The following CNTNAP2 variants were observed in gnomAD, a reference collection of about 807,000 sequenced individuals.
CNTNAP2 encodes the protein contactin-associated protein-like 2.
A neutral mutation model predicts 155.2 loss-of-function variants in CNTNAP2; 98 were observed. That is an observed-to-expected ratio of 0.63 (90% CI 0.54 to 0.75). The LOEUF is 0.75. Ranked by LOEUF, CNTNAP2 falls within the 30% of genes least tolerant of loss-of-function variation. The pLI, the probability that CNTNAP2 is intolerant of heterozygous loss-of-function variation, is 0.00. For missense variants in CNTNAP2, 1,727 were observed against 1,688.1 expected, an observed-to-expected ratio of 1.02 and a Z score of -0.40; for synonymous variants, 651 against 631.2, an observed-to-expected ratio of 1.03 and a Z score of -0.47.
At chr7:147,442,079 C>T (rs1359354222) in intron 10 of CNTNAP2, among the ~76,000 whole-genome samples, 2 of 152,108 alleles carry the variant, frequency 1.3e-5, no homozygotes, top group East Asian at 3.9e-4. Context: ...AGGACTGTGT[C>T]CTTCACTTCA....
At chr7:147,677,218 T>C (rs1322783092) in intron 13 of CNTNAP2, among the ~76,000 whole-genome samples, 1 of 151,922 alleles carries the variant, frequency 6.6e-6, no homozygotes, top group Non-Finnish European at 1.5e-5. Context: ...TATGAGGTCA[T>C]GTCACATTGT....
Position 147,017,815 on chromosome 7 carries a change from T to G in CNTNAP2, c.403-26092T>G, listed in dbSNP as rs535247581. Reference sequence around the variant, plus strand: ...AACTAGCAGAATACTACAGCTGGTTTAAAAAATAAAAGATATGAGAGAATA... The same window carrying G: ...AACTAGCAGAATACTACAGCTGGTTGAAAAAATAAAAGATATGAGAGAATA... On this transcript the variant is annotated intron_variant, in intron 3 of 23. Coordinates refer to ENST00000361727, the MANE Select transcript of CNTNAP2 (RefSeq NM_014141.6). Among the ~76,000 whole-genome samples the G allele has an allele frequency of 3.9e-5, 6 of 152,122 alleles. No homozygotes were observed. The South Asian group carries it at 1.2e-3, about 32-fold the overall frequency.
intron 1 of CNTNAP2, among the ~76,000 whole-genome samples, chr7:146,397,753 T>TCC (rs764025369): frequency 3.3e-5 from 5 of 152,080 alleles, no homozygotes; most frequent in African/African-American, 4.8e-5. Flanking sequence ...GTAGGAATAA[T>TCC]CCATTGTTAT....
chr7:146,998,639 G>A (rs563788935), intron 3 of CNTNAP2, among the ~76,000 whole-genome samples: 24 of 151,840 alleles, frequency 1.6e-4, no homozygotes, highest in African/African-American at 4.6e-4. Context: ...TGATGAAGTC[G>A]CTTACTCTTA....
chr7:146,973,896 C>T lies in CNTNAP2; in HGVS notation c.403-70011C>T, dbSNP rs527709737. On this transcript the variant is annotated intron_variant, in intron 3 of 23. Transcript: ENST00000361727. ...CTTCCCTTTGCCACAATGATGACTTCATGAATATGAATTGAGCTCAGGCCC... is the reference window on the plus strand; with the variant it reads ...CTTCCCTTTGCCACAATGATGACTTTATGAATATGAATTGAGCTCAGGCCC... 5.9e-5 allele frequency among the ~76,000 whole-genome samples: 9 copies of T among 152,286 alleles called. No homozygotes were observed. The South Asian group carries it at 1.9e-3, about 32-fold the overall frequency.
At chr7:146,235,979 T>TGTGC (rs1050059152) in intron 1 of CNTNAP2, among the ~76,000 whole-genome samples, 11 of 139,088 alleles carry the variant, frequency 7.9e-5, no homozygotes, top group South Asian at 2.2e-4. Context: ...TGTGTGTGTG[T>TGTGC]GCGCGCGTAT....
intron 8 of CNTNAP2, among the ~76,000 whole-genome samples, chr7:147,193,243 G>A (rs951895939): frequency 2.6e-5 from 4 of 152,146 alleles, no homozygotes; most frequent in Non-Finnish European, 5.9e-5. Flanking sequence ...TAAATAAATG[G>A]AAGTTTAGTG....
intron 1 of CNTNAP2, among the ~76,000 whole-genome samples, chr7:146,541,120 G>A (rs1024999666): frequency 6.6e-6 from 1 of 151,920 alleles, no homozygotes; most frequent in African/African-American, 2.4e-5. Flanking sequence ...GCCTCCACCT[G>A]CTTTTCTTCT....
At chr7:148,147,290 AC>A (rs1039232847) in intron 16 of CNTNAP2, among the ~76,000 whole-genome samples, 200 bp from the exon 17 acceptor site, 3 of 151,802 alleles carry the variant, frequency 2.0e-5, no homozygotes, top group East Asian at 3.9e-4. Flanking sequence ...TGACACATAG[AC>A]CCCCCAAAAC....
intron 1 of CNTNAP2, among the ~76,000 whole-genome samples, chr7:146,400,134 C>G (rs1189006406): frequency 6.6e-6 from 1 of 152,072 alleles, no homozygotes; most frequent in Non-Finnish European, 1.5e-5. Context: ...TGCCTCCTAC[C>G]ATAGCGAACC....
chr7:147,656,905 T>C (rs80212982), intron 13 of CNTNAP2, among the ~76,000 whole-genome samples: 18,272 of 152,182 alleles, frequency 0.12, 1,408 homozygotes, highest in Middle Eastern at 0.24. Context: ...AGTCACCCAA[T>C]GGAGGATGTA....
intron 14 of CNTNAP2, among the ~76,000 whole-genome samples, chr7:147,971,784 G>T (rs55856011): frequency 0.12 from 17,596 of 152,196 alleles, 1,344 homozygotes; most frequent in Middle Eastern, 0.26. Flanking sequence ...GTGAACATAT[G>T]CTTTCATGTC....
At chr7:146,400,755 T>G (rs1795702548) in intron 1 of CNTNAP2, among the ~76,000 whole-genome samples, 1 of 152,224 alleles carries the variant, frequency 6.6e-6, no homozygotes, top group African/African-American at 2.4e-5. Flanking sequence ...TGGGAAACCT[T>G]AGTGGGACAC....
intron 1 of CNTNAP2, among the ~76,000 whole-genome samples, chr7:146,149,614 G>T (rs1798007353): frequency 6.6e-6 from 1 of 151,914 alleles, no homozygotes; most frequent in African/African-American, 2.4e-5. Context: ...ATGGCCAATT[G>T]ATCTTCCAAA....
At chr7:147,106,935 T>G (rs1415562059) in intron 4 of CNTNAP2, among the ~76,000 whole-genome samples, 1 of 152,142 alleles carries the variant, frequency 6.6e-6, no homozygotes, top group Non-Finnish European at 1.5e-5. Flanking sequence ...AGAAAATATT[T>G]CTCTGACAGG....
chr7:148,110,562 C>T (rs757352617), intron 15 of CNTNAP2, among the ~76,000 whole-genome samples: 2 of 152,164 alleles, frequency 1.3e-5, no homozygotes, highest in Non-Finnish European at 2.9e-5. Flanking sequence ...AGAACTTCAG[C>T]ACATCACAAG....
intron 9 of CNTNAP2, among the ~76,000 whole-genome samples, chr7:147,371,767 G>T (rs1036758632): frequency 5.9e-5 from 9 of 152,126 alleles, no homozygotes; most frequent in African/African-American, 2.2e-4. Flanking sequence ...TCACTTATGT[G>T]TACATGCACT....
intron 3 of CNTNAP2, among the ~76,000 whole-genome samples, chr7:146,968,612 T>G (rs1381844196): frequency 6.6e-6 from 1 of 151,506 alleles, no homozygotes; most frequent in Non-Finnish European, 1.5e-5. Context: ...GTGTTTGTAG[T>G]ATTCTCTGAT....
At chr7:146,488,915 A>G (rs1175935604) in intron 1 of CNTNAP2, among the ~76,000 whole-genome samples, 1 of 152,192 alleles carries the variant, frequency 6.6e-6, no homozygotes. Flanking sequence ...CCACCACGCT[A>G]GGGCACAACA....
Sources: allele counts gnomAD v4.1 joint callset (sites outside exome capture counted in the v4.1 genomes callset), GRCh38; gene constraint gnomAD v4.1.1; transcripts MANE v1.5; gene names NCBI Gene and HGNC (gene_info 2026-07-23, HGNC 2026-07-21).